AHI1: variants seen among roughly 807,000 people sequenced by gnomAD.
AHI1 encodes Abelson helper integration site 1, also known as jouberin.
Under a neutral mutation model 149.3 loss-of-function variants are expected in AHI1, and 123 were observed. That is an observed-to-expected ratio of 0.82 (90% CI 0.71 to 0.96). The LOEUF (loss-of-function observed/expected upper bound fraction) is 0.96, where lower values mean the gene tolerates loss of function less well. Ranked by LOEUF, AHI1 falls within the 40% of genes least tolerant of loss-of-function variation. The pLI is 0.00. For missense variants in AHI1, 1,439 were observed against 1,422.7 expected (o/e 1.01, Z -0.18); for synonymous variants, 475 against 459.8 (o/e 1.03, Z -0.42).
In AHI1 at chr6:135,482,894, C is replaced by CTTTTTTTTTTTTTT. The variant is rs761997683; in HGVS notation, c.135+7715_135+7728dup. Among the ~76,000 whole-genome samples the CTTTTTTTTTTTTTT allele has an allele frequency of 3.4e-3, 189 of 55,724 alleles. 80 individuals are homozygous for CTTTTTTTTTTTTTT. Among genetic ancestry groups the CTTTTTTTTTTTTTT allele is most frequent in the South Asian group, 5.8e-3 (7 of 1,198 alleles). The allele number at this position is 55,724 out of a possible 152,430, so 36.6% of individuals were successfully genotyped here. ...TTCAACCAGTATAATCCATTTAAGG[C>CTTTTTTTTTTTTTT]TTTTTTTTTTTTTTTGAGACAGAGT... On this transcript the variant is annotated intron_variant, in intron 5 of 28. Coordinates refer to ENST00000265602, the MANE Select transcript of AHI1 (RefSeq NM_001134831.2).
At chr6:135,320,410 T>C (rs781469213) in intron 25 of AHI1, among the ~76,000 whole-genome samples, 26 of 152,254 alleles carry the variant, frequency 1.7e-4, no homozygotes, top group Non-Finnish European at 3.1e-4. Context: ...TTCAGAGGTC[T>C]GGCTTTGATC....
intron 26 of AHI1, chr6:135,300,816 CAAAA>C (rs35584012): frequency 2.4e-4 from 221 of 940,312 alleles, no homozygotes; most frequent in East Asian, 1.8e-3. Flanking sequence ...GGTATGTGAC[CAAAA>C]AAAAAAAAAA....
intron 24 of AHI1, among the ~76,000 whole-genome samples, chr6:135,337,487 A>T (rs529699416): frequency 6.6e-6 from 1 of 152,170 alleles, no homozygotes; most frequent in South Asian, 2.1e-4. Flanking sequence ...GGCCAAGTGC[A>T]GTGGCTCATG....
intron 23 of AHI1, among the ~76,000 whole-genome samples, chr6:135,374,285 T>C (rs897061175): frequency 2.0e-5 from 3 of 151,356 alleles, no homozygotes; most frequent in African/African-American, 7.3e-5. Flanking sequence ...GCTAATTTTT[T>C]GTATTTTTAG....
intron 13 of AHI1, 98 bp from the exon 14 acceptor site, chr6:135,442,812 T>C (rs2128046795): frequency 1.7e-6 from 2 of 1,144,696 alleles, no homozygotes; most frequent in East Asian, 2.7e-5. Context: ...AGTCCTTTTA[T>C]GATGCAGAGA....
At chr6:135,358,896 C>T (rs1212428520) in intron 23 of AHI1, among the ~76,000 whole-genome samples, 1 of 152,176 alleles carries the variant, frequency 6.6e-6, no homozygotes, top group South Asian at 2.1e-4. Flanking sequence ...TAAAAATGAA[C>T]ACAAGTGTGG....
intron 23 of AHI1, among the ~76,000 whole-genome samples, chr6:135,363,649 C>G (rs1794298180): frequency 6.6e-6 from 1 of 151,336 alleles, no homozygotes; most frequent in South Asian, 2.1e-4. Context: ...CCCTCACCTC[C>G]CGGACGGGGC....
In AHI1 at chr6:135,304,480, A is replaced by G. The variant is rs192354703; in HGVS notation, c.3427-3922T>C. Among the ~76,000 whole-genome samples the G allele has an allele frequency of 3.1e-3, 470 of 152,312 alleles. 4 individuals are homozygous for G. Among genetic ancestry groups the G allele is most frequent in the Non-Finnish European group, 3.4e-3 (229 of 68,032 alleles). ...GTTTCTAGAAGCATACTGTAACAAA[A>G]AGTGAAGACCGCCGGGTGTGGTGGC... On this transcript the variant is annotated intron_variant, in intron 26 of 28. Coordinates refer to ENST00000265602, the MANE Select transcript of AHI1 (RefSeq NM_001134831.2).
Position 135,285,251 on chromosome 6 carries a change from T to A in AHI1, c.*394A>T, listed in dbSNP as rs1478459767. The A allele has an allele frequency of 1.3e-5, 3 of 235,248 alleles. No individual in the cohort carries two copies. Among genetic ancestry groups the A allele is most frequent in the Non-Finnish European group, 2.5e-5 (3 of 119,604 alleles). 14.6% of individuals were successfully genotyped at this position (235,248 alleles called of 1,614,324 possible). A position where few individuals can be genotyped will look rare whatever the true frequency, so the allele number is the denominator to read the frequency against. On this transcript the variant is annotated 3_prime_UTR_variant, in exon 29 of 29. Coordinates refer to ENST00000265602, the MANE Select transcript of AHI1 (RefSeq NM_001134831.2). ...GGCATAGCATCACACATACAACCAT[T>A]ACCAATATAATAATATTAAATGATT...
chr6:135,363,867 G>C (rs1452654966), intron 23 of AHI1, among the ~76,000 whole-genome samples: 1 of 148,684 alleles, frequency 6.7e-6, no homozygotes, highest in African/African-American at 2.5e-5. Context: ...TCACCCCCCG[G>C]ACGGGGCGGC....
intron 23 of AHI1, chr6:135,387,756 TA>T (rs376916356): frequency 0.024 from 21,982 of 914,292 alleles, no homozygotes; most frequent in East Asian, 0.045. Context: ...AATTTCAAAC[TA>T]AAAAAAAAAA....
intron 24 of AHI1, among the ~76,000 whole-genome samples, chr6:135,346,595 G>T (rs924703392): frequency 6.6e-6 from 1 of 152,122 alleles, no homozygotes; most frequent in Admixed American, 6.5e-5. Context: ...AGAAAGAAAA[G>T]AATTAAGATT....
intron 24 of AHI1, among the ~76,000 whole-genome samples, chr6:135,346,519 G>A (rs576469283): frequency 6.6e-6 from 1 of 152,098 alleles, no homozygotes; most frequent in Admixed American, 6.5e-5. Flanking sequence ...TTATTTTTAG[G>A]TTCTTTAAAT....
chr6:135,477,026 C>A (rs1487036468), intron 5 of AHI1, among the ~76,000 whole-genome samples: 3 of 151,202 alleles, frequency 2.0e-5, no homozygotes, highest in African/African-American at 4.9e-5. Flanking sequence ...TGTTTTTTGT[C>A]TCTTTGTCCT....
intron 23 of AHI1, among the ~76,000 whole-genome samples, chr6:135,361,046 G>C (rs1793784465): frequency 6.6e-6 from 1 of 151,744 alleles, no homozygotes; most frequent in Non-Finnish European, 1.5e-5. Flanking sequence ...ATATTCTTTT[G>C]CAATAGTCAA....
intron 24 of AHI1, 24 bp downstream of exon 24, chr6:135,358,108 C>T (rs779237642): frequency 6.2e-7 from 1 of 1,605,432 alleles, no homozygotes; most frequent in South Asian, 1.1e-5. Context: ...ACACTTTTAA[C>T]AACGTAGCAA....
chr6:135,370,375 G>T lies in AHI1; in HGVS notation c.3110-12188C>A, dbSNP rs566236802. On this transcript the variant is annotated intron_variant, in intron 23 of 28. Coordinates refer to ENST00000265602, the MANE Select transcript of AHI1 (RefSeq NM_001134831.2). ...CTCTCTGCCTTACTCCCAGTTTCCT[G>T]TCAGTGCTTAAGCTTCAAAAGTCCT... is the stretch of plus-strand genomic sequence containing the variant. Among the ~76,000 whole-genome samples the T allele has an allele frequency of 2.0e-5, 3 of 152,308 alleles. No individual in the cohort carries two copies. In the East Asian group the frequency reaches 5.8e-4, roughly 29 times the overall value.
chr6:135,404,077 A>G (rs1320168964), intron 22 of AHI1, among the ~76,000 whole-genome samples: 1 of 152,102 alleles, frequency 6.6e-6, no homozygotes, highest in African/African-American at 2.4e-5. Context: ...GTCTCTAAAT[A>G]TACTAACATT....
intron 22 of AHI1, among the ~76,000 whole-genome samples, chr6:135,396,002 AT>A (rs981911603): frequency 9.3e-5 from 14 of 151,040 alleles, no homozygotes; most frequent in South Asian, 6.3e-4. Flanking sequence ...ATGTTTGTAA[AT>A]TTTTTTTTCT....
Sources: gnomAD v4.1 joint callset for allele counts (sites outside exome capture counted in the v4.1 genomes callset) on GRCh38, gnomAD v4.1.1 for gene constraint, MANE v1.5 for transcripts, NCBI Gene and HGNC (gene_info 2026-07-23, HGNC 2026-07-21) for gene names.